The following CUL5 variants were observed in gnomAD, a reference collection of about 807,000 sequenced individuals.
CUL5 encodes cullin-5.
A neutral mutation model predicts 108.8 loss-of-function variants in CUL5; 26 were observed. That is an observed-to-expected ratio of 0.24 (90% confidence interval 0.18 to 0.33). The LOEUF (loss-of-function observed/expected upper bound fraction) is 0.33. Among genes scored for constraint, CUL5 ranks in the 10% least tolerant of loss-of-function variants. The pLI, the probability that CUL5 is intolerant of heterozygous loss-of-function variation, is 1.00. For missense variants in CUL5, 524 were observed against 909.2 expected (o/e 0.58, Z 5.45); for synonymous variants, 334 against 298.0 (o/e 1.12, Z -1.25).
At chr11:108,019,791 C>G (rs1311017791) in intron 1 of CUL5, among the ~76,000 whole-genome samples, 4 of 152,060 alleles carry the variant, frequency 2.6e-5, no homozygotes, top group Non-Finnish European at 5.9e-5. Context: ...ATTTGTGTTG[C>G]TATAAAGGAA....
chr11:108,094,504 G>A lies in CUL5; in HGVS notation c.1557G>A (p.Leu519=), dbSNP rs745675408. Residue 519 remains leucine, a synonymous_variant, in exon 14 of 19, where the codon TTG becomes TTA. Transcript: ENST00000393094. ...AGGAAATGCACAAAAATAATAAATT[G>A]GCATTACCAGGTATTATTTTATAAT... The part of the protein sequence containing the change: ...AFKEMHKNNK[L]ALPADSVNIK... 4 of 1,405,514 alleles carry A rather than the reference G, an allele frequency of 2.8e-6. No individual in the cohort carries two copies. Among genetic ancestry groups the A allele is most frequent in the Non-Finnish European group, 3.9e-6 (4 of 1,019,392 alleles). The allele number at this position is 1,405,514 out of a possible 1,614,324, so 87.1% of individuals were successfully genotyped here.
chr11:108,016,972 A>C (rs1862208273), intron 1 of CUL5, among the ~76,000 whole-genome samples: 1 of 152,200 alleles, frequency 6.6e-6, no homozygotes. Context: ...ACAAAAATAA[A>C]AATTAGAAAA....
rs1864822928 is a variant in CUL5, at chr11:108,107,140, G to T, written c.*2756G>T. 6.6e-6 allele frequency: 1 copy of T among 151,730 alleles called. No homozygotes were observed. Among genetic ancestry groups the T allele is most frequent in the East Asian group, 1.9e-4 (1 of 5,172 alleles). The allele number at this position is 151,730 out of a possible 1,614,324, so 9.4% of individuals were successfully genotyped here. A position where few individuals can be genotyped will look rare whatever the true frequency, so the allele number is the denominator to read the frequency against. On this transcript the variant is annotated 3_prime_UTR_variant, in exon 19 of 19. Coordinates refer to ENST00000393094, the MANE Select transcript of CUL5 (RefSeq NM_003478.6). ...AGTCTTCCAATTTTTACATTTATTG[G>T]AGGGGTCCCTGAGTTCTGTCAACTT...
chr11:108,096,627 C>T (rs1008849792), intron 16 of CUL5, among the ~76,000 whole-genome samples: 16 of 127,294 alleles, frequency 1.3e-4, no homozygotes, highest in Non-Finnish European at 1.2e-4. Context: ...AGTGCAATGG[C>T]GCAATCTCAG....
At chr11:108,045,716 T>A (rs1346869170) in intron 2 of CUL5, among the ~76,000 whole-genome samples, 1 of 151,810 alleles carries the variant, frequency 6.6e-6, no homozygotes, top group East Asian at 1.9e-4. Flanking sequence ...TAAAAAAAAA[T>A]TAGGCGTGGT....
At chr11:108,075,192 A>G (rs1050715022) in intron 10 of CUL5, among the ~76,000 whole-genome samples, 6 of 146,646 alleles carry the variant, frequency 4.1e-5, no homozygotes, top group African/African-American at 1.5e-4. Flanking sequence ...TAGTTCGATA[A>G]TTTTTTTTTT....
At chr11:108,029,588 C>T (rs1457336149) in intron 1 of CUL5, among the ~76,000 whole-genome samples, 1 of 152,062 alleles carries the variant, frequency 6.6e-6, no homozygotes, top group Non-Finnish European at 1.5e-5. Flanking sequence ...ATTTGGTGTC[C>T]TGCCACTTAG....
chr11:108,033,723 C>T, intron 1 of CUL5, 79 bp from the exon 2 acceptor site: 1 of 822,940 alleles, frequency 1.2e-6, no homozygotes, highest in Non-Finnish European at 1.9e-6. Context: ...ATTTCTCTAG[C>T]TGTCTCATAA....
Position 108,078,186 on chromosome 11 carries a change from C to T in CUL5, c.1124C>T (p.Ala375Val), listed in dbSNP as rs1863988347. 5 of 1,562,474 alleles carry T rather than the reference C, an allele frequency of 3.2e-6. No individual in the cohort carries two copies. In the East Asian group the frequency reaches 1.1e-4, roughly 36 times the overall value. ...AATTATTTTTTGCAGGCGTATAAAG[C>T]AGTTGTTAATGATGCTACCATATTT... ...FLTARDKAYK[A>V]VVNDATIFKL... Residue 375 changes from alanine (A) to valine (V), a missense_variant, in exon 11 of 19, where the codon GCA becomes GTA. This residue lies in a region of CUL5 where 76 missense variants were observed against 168.3 expected (regional missense o/e 0.45). Coordinates refer to ENST00000393094, the MANE Select transcript of CUL5 (RefSeq NM_003478.6).
At chr11:108,053,100 A>G (rs1863277077) in intron 5 of CUL5, among the ~76,000 whole-genome samples, 1 of 152,206 alleles carries the variant, frequency 6.6e-6, no homozygotes, top group African/African-American at 2.4e-5. Flanking sequence ...GTTCATTAAA[A>G]GGTTAGGTAT....
At chr11:108,056,889 C>T (rs1479154207) in intron 7 of CUL5, among the ~76,000 whole-genome samples, 1 of 152,078 alleles carries the variant, frequency 6.6e-6, no homozygotes, top group Middle Eastern at 3.2e-3. Flanking sequence ...CAATAATGTT[C>T]TGAGGTTTCA....
chr11:108,043,025 A>C (rs1299474826), intron 2 of CUL5, among the ~76,000 whole-genome samples: 3 of 152,112 alleles, frequency 2.0e-5, no homozygotes, highest in Non-Finnish European at 4.4e-5. Flanking sequence ...GGCCTCCCAA[A>C]ATGCTAGGAT....
In CUL5 at chr11:108,095,652, A is replaced by G; in HGVS notation, c.1866A>G (p.Ala622=). Residue 622 remains alanine, a synonymous_variant, in exon 16 of 19, where the codon GCA becomes GCG. Coordinates refer to ENST00000393094, the MANE Select transcript of CUL5 (RefSeq NM_003478.6). The part of the protein sequence containing the change: ...EKISFENLKL[A]TELPDAELRR... ...TCAGCTTTGAAAATCTTAAGCTTGC[A>G]ACTGAACTCCCTGATGCTGAACTTA... 6.2e-7 allele frequency: 1 copy of G among 1,614,100 alleles called. No homozygotes were observed. The highest frequency in any genetic ancestry group is 8.5e-7 in the Non-Finnish European group (1 of 1,179,990).
At chr11:108,088,780 T>TA in intron 12 of CUL5, 121 bp downstream of exon 12, 1 of 764,370 alleles carries the variant, frequency 1.3e-6, no homozygotes, top group Non-Finnish European at 1.9e-6. Flanking sequence ...GAACTAATGT[T>TA]ACGAAGATTT....
At chr11:108,025,851 C>G (rs1862440437) in intron 1 of CUL5, among the ~76,000 whole-genome samples, 1 of 152,146 alleles carries the variant, frequency 6.6e-6, no homozygotes, top group African/African-American at 2.4e-5. Context: ...AGTGAAACCC[C>G]TAGCGGCTGT....
chr11:108,101,473 C>G (rs1035240659), intron 18 of CUL5, among the ~76,000 whole-genome samples: 1 of 152,212 alleles, frequency 6.6e-6, no homozygotes, highest in African/African-American at 2.4e-5. Flanking sequence ...GCTCTCTTTC[C>G]CCTGCTCTTA....
At chr11:108,061,621 C>T (rs974407213) in intron 7 of CUL5, among the ~76,000 whole-genome samples, 1 of 151,968 alleles carries the variant, frequency 6.6e-6, no homozygotes, top group African/African-American at 2.4e-5. Flanking sequence ...CTTTCTTTTC[C>T]ATTCCTTCCT....
At chr11:108,069,935 TA>T (rs1242401409) in intron 7 of CUL5, among the ~76,000 whole-genome samples, 160 bp from the exon 8 acceptor site, 1 of 152,218 alleles carries the variant, frequency 6.6e-6, no homozygotes, top group Non-Finnish European at 1.5e-5. Flanking sequence ...GGTAAACTAG[TA>T]TAGCATATCC....
chr11:108,092,904 C>G (rs1864392721), intron 13 of CUL5, among the ~76,000 whole-genome samples: 1 of 152,142 alleles, frequency 6.6e-6, no homozygotes, highest in Non-Finnish European at 1.5e-5. Flanking sequence ...GCAACTTCTG[C>G]CACCCAGGTT....
Sources: allele counts gnomAD v4.1 joint callset (sites outside exome capture counted in the v4.1 genomes callset), GRCh38; gene constraint gnomAD v4.1.1; regional missense constraint gnomAD v4.1.1; transcripts MANE v1.5; gene names NCBI Gene and HGNC (gene_info 2026-07-23, HGNC 2026-07-21).